The following DDX46 variants were observed in gnomAD, a reference collection of about 807,000 sequenced individuals.
DDX46 encodes probable ATP-dependent RNA helicase DDX46.
Under a neutral mutation model 134.9 loss-of-function variants are expected in DDX46, and 30 were observed. The ratio of observed to expected loss-of-function variants is 0.22; its 90% confidence interval spans 0.17 to 0.30. The LOEUF (loss-of-function observed/expected upper bound fraction) is 0.30, where lower values mean the gene tolerates loss of function less well. Ranked by LOEUF, DDX46 falls within the 10% of genes least tolerant of loss-of-function variation. DDX46 has a pLI of 1.00. For missense variants in DDX46, 622 were observed against 1,248.7 expected, an observed-to-expected ratio of 0.50 and a Z score of 7.56; for synonymous variants, 415 against 404.1, an observed-to-expected ratio of 1.03 and a Z score of -0.32.
rs748727468 is a variant in DDX46, at chr5:134,762,249, CAA to C, written c.18-1636_18-1635del. Among the ~76,000 whole-genome samples, 124 of 93,380 alleles carry C rather than the reference CAA, an allele frequency of 1.3e-3. 1 individual carries two copies. The highest frequency in any genetic ancestry group is 4.1e-3 in the African/African-American group (104 of 25,616). 61.3% of individuals were successfully genotyped at this position (93,380 alleles called of 152,430 possible). Reference sequence around the variant, plus strand: ...AACATAGTGAGACACCATCTCTACCCAAAAAAAAAAAAAAAAAAAATTGGTGG... The same window carrying C: ...AACATAGTGAGACACCATCTCTACCCAAAAAAAAAAAAAAAAAATTGGTGG... On this transcript the variant is annotated intron_variant, in intron 1 of 22. Transcript: ENST00000452510.
intron 15 of DDX46, among the ~76,000 whole-genome samples, chr5:134,798,989 G>A (rs1048542876): frequency 2.6e-5 from 4 of 152,116 alleles, no homozygotes; most frequent in African/African-American, 9.7e-5. Flanking sequence ...TTAATACATA[G>A]CATTTACATT....
At chr5:134,806,625 C>T (rs1203888780) in intron 15 of DDX46, among the ~76,000 whole-genome samples, 1 of 152,066 alleles carries the variant, frequency 6.6e-6, no homozygotes, top group Non-Finnish European at 1.5e-5. Flanking sequence ...CAAATACTTC[C>T]TTTAAATCAA....
chr5:134,817,304 A>G (rs960845114), intron 19 of DDX46, 192 bp from the exon 20 acceptor site: 4 of 552,546 alleles, frequency 7.2e-6, no homozygotes, highest in Non-Finnish European at 1.2e-5. Context: ...CTTATCCACT[A>G]GGAGGTACAT....
chr5:134,794,307 A>AAGAC (rs1460652652), intron 13 of DDX46, among the ~76,000 whole-genome samples: 3 of 152,148 alleles, frequency 2.0e-5, no homozygotes, highest in Non-Finnish European at 4.4e-5. Context: ...ATGGCAGAAA[A>AAGAC]TAGCCACAAT....
chr5:134,758,876 C>T lies in DDX46; in HGVS notation c.-63C>T, dbSNP rs770279328. 1 of 1,613,174 alleles carries T rather than the reference C, an allele frequency of 6.2e-7. No individual in the cohort carries two copies. Among genetic ancestry groups the T allele is most frequent in the Non-Finnish European group, 8.5e-7 (1 of 1,179,516 alleles). On this transcript the variant is annotated 5_prime_UTR_variant, in exon 1 of 23. Coordinates refer to ENST00000452510, the MANE Select transcript of DDX46 (RefSeq NM_001300860.2). ...CGGGCGTTGAGGGCAGCTCAGCCTC[C>T]TTGTTTGTCCGGTTCGCCTGTGCGT...
rs1285293427 is a variant in DDX46, at chr5:134,767,909, C to T, written c.350+849C>T. On this transcript the variant is annotated intron_variant, in intron 3 of 22. Transcript: ENST00000452510. The stretch of plus-strand genomic sequence containing the variant: ...AGGTTGCGGTGAGGTGAGATCATGC[C>T]GTTGCACTCCAGCCTGGGCAACAAG... 7.3e-5 allele frequency among the ~76,000 whole-genome samples: 11 copies of T among 150,452 alleles called. 1 individual carries two copies. The East Asian group carries it at 1.2e-3, about 17-fold the overall frequency.
At chr5:134,763,770 A>G in intron 1 of DDX46, 134 bp from the exon 2 acceptor site, 1 of 1,086,564 alleles carries the variant, frequency 9.2e-7, no homozygotes, top group African/African-American at 1.6e-5. Flanking sequence ...TTTCCCTCCT[A>G]ATTTTAGAAA....
Position 134,764,022 on chromosome 5 carries a change from G to A in DDX46, c.136G>A (p.Asp46Asn). Residue 46 changes from aspartate (D) to asparagine (N), a missense_variant, in exon 2 of 23, where the codon GAT becomes AAT. Asp to Asn is a conservative substitution (Grantham distance 23, BLOSUM62 1). This residue lies in a region of DDX46 where 244 missense variants were observed against 349.3 expected (regional missense o/e 0.70). Transcript: ENST00000452510. ...CAGACGGTCTAGAAGTAGAGATAGAGATAGGAGGAGAGAGAGGTCTCGTAG... is the reference window on the plus strand; with the variant it reads ...CAGACGGTCTAGAAGTAGAGATAGAAATAGGAGGAGAGAGAGGTCTCGTAG... The part of the protein sequence containing the change: ...DDRRSRSRDR[D>N]RRRERSRSRD... 6.2e-7 allele frequency: 1 copy of A among 1,614,218 alleles called. No homozygotes were observed. Among genetic ancestry groups the A allele is most frequent in the Non-Finnish European group, 8.5e-7 (1 of 1,180,046 alleles).
intron 1 of DDX46, among the ~76,000 whole-genome samples, chr5:134,759,548 G>A (rs562447105): frequency 2.6e-5 from 4 of 152,268 alleles, no homozygotes; most frequent in African/African-American, 9.6e-5. Context: ...TGTGGACTAT[G>A]AGCTCTTATT....
In DDX46 at chr5:134,828,802, A is replaced by C. The variant is rs1755658842; in HGVS notation, c.*96A>C. On this transcript the variant is annotated 3_prime_UTR_variant, in exon 23 of 23. Coordinates refer to ENST00000452510, the MANE Select transcript of DDX46 (RefSeq NM_001300860.2). ...ATGTATTGTAAATGAAGATTTTTTA[A>C]ATTCTATCTTGCTGATTTTTTTTAA... The C allele has an allele frequency of 1.1e-6, 1 of 949,512 alleles. No homozygotes were observed. The highest frequency in any genetic ancestry group is 1.7e-5 in the African/African-American group (1 of 59,004). The allele number at this position is 949,512 out of a possible 1,614,324, so 58.8% of individuals were successfully genotyped here.
chr5:134,826,903 T>G (rs1471825549), intron 21 of DDX46, 44 bp from the exon 22 acceptor site: 2 of 1,590,054 alleles, frequency 1.3e-6, no homozygotes, highest in Non-Finnish European at 1.7e-6. Context: ...AAACACAGTG[T>G]AAGTTTAGTA....
At chr5:134,766,694 C>G (rs182372385) in intron 2 of DDX46, among the ~76,000 whole-genome samples, 1 of 152,288 alleles carries the variant, frequency 6.6e-6, no homozygotes, top group Admixed American at 6.5e-5. Context: ...GCACTCCAGC[C>G]TGGGTGACAG....
intron 12 of DDX46, among the ~76,000 whole-genome samples, chr5:134,789,420 C>T (rs1754439108): frequency 6.6e-6 from 1 of 152,084 alleles, no homozygotes; most frequent in East Asian, 1.9e-4. Flanking sequence ...TTAGTGTGTA[C>T]ATAATAGAGT....
chr5:134,808,736 CTG>C (rs1319516606), intron 16 of DDX46, among the ~76,000 whole-genome samples: 1 of 152,124 alleles, frequency 6.6e-6, no homozygotes, highest in Admixed American at 6.6e-5. Flanking sequence ...ATTCTAGAAA[CTG>C]TATGGGTCTA....
chr5:134,759,926 T>C (rs1475037039), intron 1 of DDX46, among the ~76,000 whole-genome samples: 2 of 152,252 alleles, frequency 1.3e-5, no homozygotes, highest in Non-Finnish European at 2.9e-5. Flanking sequence ...TTTATTTGAC[T>C]CATTCTTCTC....
At chr5:134,760,627 G>GTAGA (rs1753348078) in intron 1 of DDX46, among the ~76,000 whole-genome samples, 1 of 152,212 alleles carries the variant, frequency 6.6e-6, no homozygotes, top group African/African-American at 2.4e-5. Context: ...AATCTCCTAG[G>GTAGA]TAGATATGTC....
At chr5:134,788,663 AG>A in intron 12 of DDX46, 72 bp downstream of exon 12, 1 of 1,324,486 alleles carries the variant, frequency 7.6e-7, no homozygotes, top group Non-Finnish European at 1.1e-6. Flanking sequence ...AACAGATGCA[AG>A]AAACCAACAA....
intron 15 of DDX46, among the ~76,000 whole-genome samples, chr5:134,801,288 A>C (rs934580192): frequency 6.6e-6 from 1 of 152,048 alleles, no homozygotes; most frequent in Non-Finnish European, 1.5e-5. Flanking sequence ...TGAAAAAAAA[A>C]GTTTGTAATG....
At chr5:134,817,135 T>G (rs1755307116) in intron 19 of DDX46, 1 of 203,284 alleles carries the variant, frequency 4.9e-6, no homozygotes, top group Non-Finnish European at 9.8e-6. Context: ...GTGATGGTAG[T>G]AGTACAAACA....
Sources: gnomAD v4.1 joint callset for allele counts (sites outside exome capture counted in the v4.1 genomes callset) on GRCh38, gnomAD v4.1.1 for gene constraint, gnomAD v4.1.1 regional missense constraint, MANE v1.5 for transcripts, NCBI Gene and HGNC (gene_info 2026-07-23, HGNC 2026-07-21) for gene names.